The following SPATA13 variants were observed in gnomAD, a reference collection of about 807,000 sequenced individuals.
SPATA13 encodes the protein spermatogenesis-associated protein 13.
Under a neutral mutation model 104.0 loss-of-function variants are expected in SPATA13, and 50 were observed. That is an observed-to-expected ratio of 0.48 (90% confidence interval 0.38 to 0.61). SPATA13 has a LOEUF of 0.61. SPATA13 is among the 20% of genes least tolerant of loss of function. SPATA13 has a pLI of 0.00. For missense variants in SPATA13, 1,524 were observed against 1,690.6 expected, an observed-to-expected ratio of 0.90 and a Z score of 1.73; for synonymous variants, 606 against 667.5, an observed-to-expected ratio of 0.91 and a Z score of 1.42.
chr13:24,056,860 G>C (rs1035056018), intron 3 of SPATA13, among the ~76,000 whole-genome samples: 1 of 151,898 alleles, frequency 6.6e-6, no homozygotes, highest in Admixed American at 6.6e-5. Context: ...CACATAAAAA[G>C]GGAGTGGCCT....
intron 2 of SPATA13, among the ~76,000 whole-genome samples, chr13:24,016,703 C>T (rs1392583453): frequency 6.6e-6 from 1 of 152,224 alleles, no homozygotes; most frequent in Non-Finnish European, 1.5e-5. Context: ...TGTTCTCTTC[C>T]AGAAGTTTCA....
upstream of SPATA13, among the ~76,000 whole-genome samples, chr13:24,155,969 G>A (rs1882245133): frequency 6.6e-6 from 1 of 152,190 alleles, no homozygotes; most frequent in African/African-American, 2.4e-5. Context: ...TGCATTTAAT[G>A]TAATGTCCTC....
upstream of SPATA13, among the ~76,000 whole-genome samples, chr13:24,160,143 C>G (rs1485507641): frequency 6.6e-6 from 1 of 152,202 alleles, no homozygotes; most frequent in Non-Finnish European, 1.5e-5. Flanking sequence ...GAGTGAACTT[C>G]TGGCCCAGGC....
chr13:24,286,330 C>G lies in SPATA13; in HGVS notation c.2418C>G (p.Asn806Lys). ...GDVIQVLEAS[N>K]KDWWWGRSED... The stretch of plus-strand genomic sequence containing the variant: ...TCATCCAGGTTCTGGAAGCCTCCAA[C>G]AAGGACTGGTGGTGGGGCCGCAGTG... The change falls in exon 6 of 13, where the codon AAC becomes AAG. Residue 806 changes from asparagine to lysine, a missense_variant. Around this residue, in one of 2 missense-constraint regions of SPATA13, gnomAD observed 1,089 missense variants for 1,135.9 expected, o/e 0.96. Coordinates refer to ENST00000382108, the MANE Select transcript of SPATA13 (RefSeq NM_001166271.3). This position sits in a 1 kb window ranked among gnomAD's most constrained non-coding sequence, Gnocchi z 4.9. 6.2e-7 allele frequency: 1 copy of G among 1,613,520 alleles called. No homozygotes were observed. Among genetic ancestry groups the G allele is most frequent in the Non-Finnish European group, 8.5e-7 (1 of 1,180,034 alleles).
intron 2 of SPATA13, among the ~76,000 whole-genome samples, chr13:23,986,520 T>G (rs1226749433): frequency 6.6e-6 from 1 of 152,234 alleles, no homozygotes; most frequent in Admixed American, 6.5e-5. Flanking sequence ...CAAATGCCTC[T>G]CAAGGATCAA....
At chr13:24,146,291 C>T (rs1881929432) in intron 3 of SPATA13, among the ~76,000 whole-genome samples, 1 of 152,218 alleles carries the variant, frequency 6.6e-6, no homozygotes, top group Non-Finnish European at 1.5e-5. Context: ...GCTTCACTGA[C>T]AAGGCTGTTC....
intron 4 of SPATA13, among the ~76,000 whole-genome samples, chr13:24,281,246 T>C (rs1006625551): frequency 6.6e-6 from 1 of 152,190 alleles, no homozygotes; most frequent in African/African-American, 2.4e-5. Flanking sequence ...CTCCTCCCCC[T>C]CCAACCCCGT....
intron 1 of SPATA13, among the ~76,000 whole-genome samples, chr13:24,198,590 T>C (rs974941615): frequency 2.6e-5 from 4 of 152,244 alleles, no homozygotes; most frequent in African/African-American, 9.6e-5. Flanking sequence ...ATCTTCATTC[T>C]TGTGGCAGTT....
chr13:23,992,117 T>C (rs1347543165), intron 2 of SPATA13, among the ~76,000 whole-genome samples: 1 of 152,132 alleles, frequency 6.6e-6, no homozygotes, highest in Non-Finnish European at 1.5e-5. Context: ...ATTTCTGAGA[T>C]CCAGAACCAC....
At chr13:24,193,128 C>G (rs1869864773) in intron 1 of SPATA13, among the ~76,000 whole-genome samples, 1 of 152,156 alleles carries the variant, frequency 6.6e-6, no homozygotes, top group Non-Finnish European at 1.5e-5. Context: ...CAGTGACTGA[C>G]TGGGGAGGAC....
intron 2 of SPATA13, among the ~76,000 whole-genome samples, chr13:24,238,305 C>T (rs1417699060): frequency 6.6e-6 from 1 of 151,868 alleles, no homozygotes; most frequent in Non-Finnish European, 1.5e-5. Context: ...TACAAGTGTG[C>T]ACCACCATGC....
chr13:24,155,653 T>C (rs1882236908), intron 3 of SPATA13, among the ~76,000 whole-genome samples: 1 of 152,218 alleles, frequency 6.6e-6, no homozygotes, highest in Admixed American at 6.5e-5. Flanking sequence ...GCCTGCAGAT[T>C]AGAAAATGGG....
At chr13:24,108,949 CTCTTT>C (rs747145723) in intron 3 of SPATA13, among the ~76,000 whole-genome samples, 1 of 152,068 alleles carries the variant, frequency 6.6e-6, no homozygotes, top group Non-Finnish European at 1.5e-5. Flanking sequence ...CTCCAGCTCT[CTCTTT>C]TATTTTATTT....
intron 3 of SPATA13, chr13:24,122,973 A>G (rs1881088496): frequency 2.5e-6 from 2 of 800,676 alleles, no homozygotes. Flanking sequence ...CAGAATTCCC[A>G]TAGCAGTAAC....
chr13:24,298,449 G>T (rs1876946550), intron 11 of SPATA13, among the ~76,000 whole-genome samples: 1 of 152,208 alleles, frequency 6.6e-6, no homozygotes, highest in South Asian at 2.1e-4. Flanking sequence ...TGACCTGGAG[G>T]TGCAGTGTGG....
At chr13:24,115,073 T>C (rs377652445) in intron 3 of SPATA13, among the ~76,000 whole-genome samples, 2 of 152,218 alleles carry the variant, frequency 1.3e-5, no homozygotes, top group Non-Finnish European at 2.9e-5. Context: ...TTGCCGTATA[T>C]GCTCCTGCAG....
chr13:24,015,742 C>G (rs1450804725), intron 2 of SPATA13, among the ~76,000 whole-genome samples: 2 of 13,398 alleles, frequency 1.5e-4, no homozygotes, highest in East Asian at 0.024. Flanking sequence ...CTGGCAGGCC[C>G]CCCCCCAATT....
chr13:24,110,848 T>C (rs1387046403), intron 3 of SPATA13, among the ~76,000 whole-genome samples: 1 of 152,068 alleles, frequency 6.6e-6, no homozygotes, highest in African/African-American at 2.4e-5. Context: ...AACACCAAGG[T>C]TTTTGGACCC....
intron 3 of SPATA13, among the ~76,000 whole-genome samples, chr13:24,060,077 A>G (rs906700737): frequency 6.6e-6 from 1 of 152,228 alleles, no homozygotes; most frequent in Non-Finnish European, 1.5e-5. Flanking sequence ...AGAAAAAACT[A>G]TTTCAAAATT....
Sources: gnomAD v4.1 joint callset for allele counts (sites outside exome capture counted in the v4.1 genomes callset) on GRCh38, gnomAD v4.1.1 for gene constraint, gnomAD v4.1.1 regional missense constraint, Gnocchi (gnomAD v3.1) non-coding constraint, MANE v1.5 for transcripts, NCBI Gene and HGNC (gene_info 2026-07-23, HGNC 2026-07-21) for gene names.